The following CA10 variants were observed in gnomAD, a reference collection of about 807,000 sequenced individuals.
CA10 encodes carbonic anhydrase 10 (inactive), also known as carbonic anhydrase-related protein 10.
CA10 carries 14 observed loss-of-function variants against 44.2 expected under a neutral mutation model. The observed-to-expected ratio is 0.32, with a 90% CI of 0.21 to 0.50. The LOEUF is 0.50. Among genes scored for constraint, CA10 ranks in the 20% least tolerant of loss-of-function variants. The pLI, the probability that CA10 is intolerant of heterozygous loss-of-function variation, is 0.99. For synonymous variants in CA10, 159 were observed against 141.6 expected (o/e 1.12, Z -0.87); for missense variants, 350 against 409.7 (o/e 0.85, Z 1.26).
intron 2 of CA10, among the ~76,000 whole-genome samples, chr17:51,996,686 A>C (rs961666229): frequency 6.6e-6 from 1 of 151,906 alleles, no homozygotes; most frequent in Non-Finnish European, 1.5e-5. Context: ...TTTCTTCCTG[A>C]CTCCATCTTC....
At chr17:51,824,551 A>G (rs1212445315) in intron 3 of CA10, among the ~76,000 whole-genome samples, 1 of 152,256 alleles carries the variant, frequency 6.6e-6, no homozygotes, top group Non-Finnish European at 1.5e-5. Context: ...AAACTTTAAA[A>G]CTTTAAATAA....
At chr17:51,798,051 G>C (rs1446911507) in intron 3 of CA10, among the ~76,000 whole-genome samples, 1 of 152,074 alleles carries the variant, frequency 6.6e-6, no homozygotes, top group Non-Finnish European at 1.5e-5. Context: ...ACAGAAATGG[G>C]ACTACGAGAC....
chr17:52,104,405 T>C (rs924088023), intron 1 of CA10, among the ~76,000 whole-genome samples: 3 of 152,142 alleles, frequency 2.0e-5, no homozygotes, highest in African/African-American at 7.2e-5. Context: ...GCTTTCGTCA[T>C]GTTGCCCAGG....
At chr17:52,021,893 G>C (rs1305995819) in intron 2 of CA10, among the ~76,000 whole-genome samples, 1 of 151,998 alleles carries the variant, frequency 6.6e-6, no homozygotes, top group East Asian at 1.9e-4. Context: ...ACATGTGCCA[G>C]AATTGAATCA....
chr17:51,673,573 G>A (rs1240856334), intron 4 of CA10, among the ~76,000 whole-genome samples: 1 of 152,148 alleles, frequency 6.6e-6, no homozygotes, highest in African/African-American at 2.4e-5. Flanking sequence ...TACACTTCAT[G>A]GTTCTTGCAA....
chr17:51,635,704 G>T (rs1597952552), intron 7 of CA10, 151 bp downstream of exon 7: 1 of 501,436 alleles, frequency 2.0e-6, no homozygotes, highest in East Asian at 3.2e-5. Flanking sequence ...AGAACTGTGA[G>T]GCGATAAGTT....
chr17:51,651,790 C>A (rs1032815543), intron 5 of CA10, among the ~76,000 whole-genome samples: 1 of 152,124 alleles, frequency 6.6e-6, no homozygotes, highest in Non-Finnish European at 1.5e-5. Context: ...GGACCAAGGC[C>A]GAGACACTCT....
chr17:51,892,203 G>GT (rs1276713078), intron 3 of CA10, among the ~76,000 whole-genome samples: 1 of 152,214 alleles, frequency 6.6e-6, no homozygotes, highest in African/African-American at 2.4e-5. Flanking sequence ...TCCTGTATGA[G>GT]TAAGTGGTGG....
At chr17:52,014,937 C>T (rs376507882) in intron 2 of CA10, among the ~76,000 whole-genome samples, 6 of 151,966 alleles carry the variant, frequency 3.9e-5, no homozygotes, top group Non-Finnish European at 8.8e-5. Flanking sequence ...AATTGTGGTA[C>T]ATTTATACAA....
chr17:51,693,999 G>C (rs993940310), intron 4 of CA10, among the ~76,000 whole-genome samples: 5 of 152,110 alleles, frequency 3.3e-5, no homozygotes, highest in African/African-American at 1.2e-4. Context: ...GAGGTTGAGA[G>C]TTCGAGACCA....
chr17:52,158,315 C>G lies in CA10; in HGVS notation c.-529G>C, dbSNP rs1989855019. On this transcript the variant is annotated 5_prime_UTR_variant, in exon 1 of 9. Coordinates refer to ENST00000451037, the MANE Select transcript of CA10 (RefSeq NM_020178.5). ...GGCAAGTTGCCCTCGAAGTCCGCCC[C>G]CCTCACCGGGGCATGGTCGGAGGGT... 1 of 200,080 alleles carries G rather than the reference C, an allele frequency of 5.0e-6. No homozygotes were observed. The highest frequency in any genetic ancestry group is 5.4e-5 in the Admixed American group (1 of 18,408). The allele number at this position is 200,080 out of a possible 1,614,324, so 12.4% of individuals were successfully genotyped here. A position where few individuals can be genotyped will look rare whatever the true frequency, so the allele number is the denominator to read the frequency against.
intron 4 of CA10, among the ~76,000 whole-genome samples, chr17:51,674,981 C>T (rs1431041206): frequency 6.6e-6 from 1 of 152,190 alleles, no homozygotes; most frequent in Non-Finnish European, 1.5e-5. Flanking sequence ...GCGCTGCTGT[C>T]ATTAACACGA....
chr17:51,663,321 C>A (rs1914080621), intron 4 of CA10, among the ~76,000 whole-genome samples: 1 of 50 alleles, frequency 0.02, no homozygotes, highest in Admixed American at 0.12. Context: ...GGATGAGCCT[C>A]CTGCACGACG....
intron 3 of CA10, among the ~76,000 whole-genome samples, chr17:51,894,502 C>T (rs1049196784): frequency 6.6e-6 from 1 of 152,064 alleles, no homozygotes; most frequent in Non-Finnish European, 1.5e-5. Context: ...CTGAAAGGAG[C>T]CAGGGCTTCT....
chr17:51,751,383 C>T (rs1213452355), intron 3 of CA10, among the ~76,000 whole-genome samples: 1 of 152,142 alleles, frequency 6.6e-6, no homozygotes, highest in African/African-American at 2.4e-5. Context: ...GTACTTAACA[C>T]CATTGAATTG....
intron 3 of CA10, among the ~76,000 whole-genome samples, chr17:51,881,042 C>T (rs1471602588): frequency 6.6e-6 from 1 of 151,742 alleles, no homozygotes; most frequent in African/African-American, 2.4e-5. Context: ...TCGAGACCAT[C>T]CTGGCTAATA....
intron 1 of CA10, among the ~76,000 whole-genome samples, chr17:52,107,970 T>A (rs1988695934): frequency 6.6e-6 from 1 of 151,994 alleles, no homozygotes. Context: ...TTGATTGACT[T>A]AGCAATAATC....
chr17:51,671,477 T>C (rs1022697271), intron 4 of CA10, among the ~76,000 whole-genome samples: 11 of 152,136 alleles, frequency 7.2e-5, no homozygotes, highest in Non-Finnish European at 1.6e-4. Flanking sequence ...CGATCTTGGC[T>C]CACTGCAAGC....
intron 4 of CA10, among the ~76,000 whole-genome samples, chr17:51,738,718 G>A (rs1904337085): frequency 6.6e-6 from 1 of 152,148 alleles, no homozygotes; most frequent in African/African-American, 2.4e-5. Context: ...CTCTATAGAT[G>A]CCCTTGCGAT....
Sources: gnomAD v4.1 joint callset for allele counts (sites outside exome capture counted in the v4.1 genomes callset) on GRCh38, gnomAD v4.1.1 for gene constraint, MANE v1.5 for transcripts, NCBI Gene and HGNC (gene_info 2026-07-23, HGNC 2026-07-21) for gene names.